The following ROBO2 variants were observed in gnomAD, a reference collection of about 807,000 sequenced individuals.
ROBO2 encodes the protein roundabout homolog 2.
Under a neutral mutation model 160.8 loss-of-function variants are expected in ROBO2, and 53 were observed. That is an observed-to-expected ratio of 0.33 (90% CI 0.26 to 0.41). The LOEUF (loss-of-function observed/expected upper bound fraction) is 0.41, where lower values mean the gene tolerates loss of function less well. Ranked by LOEUF, ROBO2 falls within the 10% of genes least tolerant of loss-of-function variation. The pLI is 1.00. For missense variants in ROBO2, 1,577 were observed against 1,722.4 expected, an observed-to-expected ratio of 0.92 and a Z score of 1.49; for synonymous variants, 664 against 611.7, an observed-to-expected ratio of 1.09 and a Z score of -1.26.
intron 2 of ROBO2, among the ~76,000 whole-genome samples, chr3:77,177,657 G>A (rs983365447): frequency 6.6e-6 from 1 of 151,752 alleles, no homozygotes; most frequent in Admixed American, 6.6e-5. Context: ...CCACAGATGG[G>A]GGCCATTGGA....
intron 2 of ROBO2, among the ~76,000 whole-genome samples, chr3:77,221,094 T>C (rs567778067): frequency 6.6e-6 from 1 of 152,256 alleles, no homozygotes; most frequent in Admixed American, 6.5e-5. Context: ...AAAACATCAG[T>C]TATATGAACA....
At chr3:76,970,585 A>G (rs564514807) in intron 2 of ROBO2, among the ~76,000 whole-genome samples, 24 of 152,266 alleles carry the variant, frequency 1.6e-4, no homozygotes, top group Admixed American at 1.6e-3. Flanking sequence ...CTACATGGAA[A>G]GGGACAGAAG....
intron 21 of ROBO2, among the ~76,000 whole-genome samples, chr3:77,612,490 T>C (rs576718484): frequency 6.6e-6 from 1 of 152,338 alleles, no homozygotes; most frequent in African/African-American, 2.4e-5. Context: ...CAGGTTCTTC[T>C]AGTCTTTTCT....
chr3:77,355,924 CA>C lies in ROBO2; in HGVS notation c.389-121477del, dbSNP rs71935506. 5.3e-3 allele frequency among the ~76,000 whole-genome samples: 722 copies of C among 137,342 alleles called. 20 individuals are homozygous for C. The East Asian group carries it at 0.074, about 14-fold the overall frequency. The allele number at this position is 137,342 out of a possible 152,430, so 90.1% of individuals were successfully genotyped here. On this transcript the variant is annotated intron_variant, in intron 2 of 25. Coordinates refer to ENST00000461745, the Ensembl canonical transcript of ROBO2. ...CTATCAATCTCTGAGACAGATAATC[CA>C]AAAAAAAAAAAATGGGTAAAGTGGA...
At chr3:76,971,558 A>C (rs183346157) in intron 2 of ROBO2, among the ~76,000 whole-genome samples, 1 of 152,178 alleles carries the variant, frequency 6.6e-6, no homozygotes, top group African/African-American at 2.4e-5. Context: ...CTCTAAAAAA[A>C]AAATAAATAA....
chr3:77,558,095 A>C (rs754663618), exon 9 of ROBO2: 3 of 1,613,256 alleles, frequency 1.9e-6, no homozygotes, highest in Non-Finnish European at 2.5e-6. Context: ...TTCCGGGTAG[A>C]GATCCAAGAG....
At chr3:76,800,392 C>T (rs1343934400) in intron 2 of ROBO2, among the ~76,000 whole-genome samples, 1 of 152,054 alleles carries the variant, frequency 6.6e-6, no homozygotes, top group Non-Finnish European at 1.5e-5. Context: ...AGTTAAATAT[C>T]TTCTGCACAA....
intron 2 of ROBO2, among the ~76,000 whole-genome samples, chr3:76,699,984 C>T (rs2107430855): frequency 6.6e-6 from 1 of 152,144 alleles, no homozygotes; most frequent in South Asian, 2.1e-4. Context: ...TGGGTAAATC[C>T]TATCTGGGGC....
rs914331022 is a variant in ROBO2, at chr3:77,563,341, T to C, written c.1682+12T>C. On this transcript the variant is annotated intron_variant, in intron 11 of 25. Coordinates refer to ENST00000461745, the Ensembl canonical transcript of ROBO2. Reference sequence around the variant, plus strand: ...ATTGAGGCTTTCAGGTATGGGACAATTCCTTCTTTCTCCACTGGGTTTTGT... The same window carrying C: ...ATTGAGGCTTTCAGGTATGGGACAACTCCTTCTTTCTCCACTGGGTTTTGT... The C allele has an allele frequency of 6.2e-7, 1 of 1,612,950 alleles. No individual in the cohort carries two copies. The highest frequency in any genetic ancestry group is 8.5e-7 in the Non-Finnish European group (1 of 1,179,152).
At chr3:77,198,403 A>C (rs1378912903) in intron 2 of ROBO2, among the ~76,000 whole-genome samples, 2 of 152,146 alleles carry the variant, frequency 1.3e-5, no homozygotes, top group Non-Finnish European at 1.5e-5. Flanking sequence ...AAACTTCCTG[A>C]GATGAAAAAG....
rs1160736832 is a variant in ROBO2, at chr3:77,285,993, C to T, written c.388+187653C>T. On this transcript the variant is annotated intron_variant, in intron 2 of 25. Transcript: ENST00000461745. Reference sequence around the variant, plus strand: ...AAGAGAAAATCAAGTCTCTATTTTACCCTAACCTTTAGGAAACCCATTCCC... The same window carrying T: ...AAGAGAAAATCAAGTCTCTATTTTATCCTAACCTTTAGGAAACCCATTCCC... Among the ~76,000 whole-genome samples, 4 of 152,182 alleles carry T rather than the reference C, an allele frequency of 2.6e-5. No individual in the cohort carries two copies. In the East Asian group the frequency reaches 7.7e-4, roughly 29 times the overall value.
At chr3:77,423,838 G>A (rs772246447) in intron 2 of ROBO2, among the ~76,000 whole-genome samples, 1 of 152,122 alleles carries the variant, frequency 6.6e-6, no homozygotes, top group Non-Finnish European at 1.5e-5. Flanking sequence ...ATGACTTACT[G>A]TGTCCTTCAG....
intron 2 of ROBO2, among the ~76,000 whole-genome samples, chr3:77,364,599 C>T (rs1193934018): frequency 1.3e-5 from 2 of 152,132 alleles, no homozygotes; most frequent in African/African-American, 2.4e-5. Flanking sequence ...CACTGGTTCT[C>T]ATATACCAGC....
At chr3:77,295,821 A>G (rs907015994) in intron 2 of ROBO2, among the ~76,000 whole-genome samples, 3 of 150,058 alleles carry the variant, frequency 2.0e-5, no homozygotes, top group African/African-American at 7.4e-5. Context: ...CACTAAAGAC[A>G]TAAAGTAAAA....
At chr3:76,007,497 T>G (rs1365382591) in intron 2 of ROBO2, among the ~76,000 whole-genome samples, 2 of 152,154 alleles carry the variant, frequency 1.3e-5, no homozygotes, top group African/African-American at 4.8e-5. Context: ...TAGATACATT[T>G]TGAGTAGATA....
Position 76,517,288 on chromosome 3 carries a change from A to C in ROBO2, c.109+579686A>C, listed in dbSNP as rs577679134. ...ATTCTGACAATAGAATTGCCTGTTC[A>C]AAGGGAGGAAAAAAGATTAATATAA... On this transcript the variant is annotated intron_variant, in intron 2 of 26. Coordinates refer to the ROBO2 transcript ENST00000487694. 5.1e-4 allele frequency among the ~76,000 whole-genome samples: 77 copies of C among 152,326 alleles called. No individual in the cohort carries two copies. In the South Asian group the frequency reaches 7.7e-3, roughly 15 times the overall value.
intron 2 of ROBO2, among the ~76,000 whole-genome samples, chr3:76,086,349 C>G (rs978473462): frequency 4.6e-5 from 7 of 152,078 alleles, no homozygotes; most frequent in African/African-American, 1.4e-4. Flanking sequence ...TCACTTCCTG[C>G]TAAGTCCCTC....
At chr3:76,097,072 A>C (rs1444473615) in intron 2 of ROBO2, among the ~76,000 whole-genome samples, 1 of 152,056 alleles carries the variant, frequency 6.6e-6, no homozygotes. Flanking sequence ...AAAAAAAGTG[A>C]CCCCAGGTTG....
At position 77,173,310 on chromosome 3, in the gene ROBO2, G is replaced by A. The variant is rs374268282; in HGVS notation, c.388+74970G>A. On this transcript the variant is annotated intron_variant, in intron 2 of 25. Transcript: ENST00000461745. ...GTCAAATATTTATTTTTAAAGGCCC[G>A]TGTGTTCAAATAATTTTTTCTTTCC... Among the ~76,000 whole-genome samples, 5 of 152,162 alleles carry A rather than the reference G, an allele frequency of 3.3e-5. No individual in the cohort carries two copies. The East Asian group carries it at 7.7e-4, about 24-fold the overall frequency.
Sources: gnomAD v4.1 joint callset for allele counts (sites outside exome capture counted in the v4.1 genomes callset) on GRCh38, gnomAD v4.1.1 for gene constraint, MANE v1.5 for transcripts, NCBI Gene and HGNC (gene_info 2026-07-23, HGNC 2026-07-21) for gene names.